The following MEI4 variants were observed in gnomAD, a reference collection of about 807,000 sequenced individuals.
The protein encoded by MEI4 is meiosis-specific protein MEI4.
A neutral mutation model predicts 31.4 loss-of-function variants in MEI4; 27 were observed. The ratio of observed to expected loss-of-function variants is 0.86; its 90% confidence interval spans 0.63 to 1.19. The LOEUF (loss-of-function observed/expected upper bound fraction) is 1.19. Among genes scored for constraint, MEI4 ranks in the 50% most tolerant of loss-of-function variants. The pLI is 0.00. For synonymous variants in MEI4, 122 were observed against 145.4 expected (o/e 0.84, Z 1.16); for missense variants, 329 against 398.9 (o/e 0.82, Z 1.49).
At chr6:77,840,508 G>T (rs1392435942) in intron 4 of MEI4, among the ~76,000 whole-genome samples, 1 of 152,128 alleles carries the variant, frequency 6.6e-6, no homozygotes, top group Non-Finnish European at 1.5e-5. Context: ...TGTGAGCCAT[G>T]AACATAATAA....
chr6:77,910,230 A>G (rs1178757072), intron 4 of MEI4, among the ~76,000 whole-genome samples: 2 of 152,158 alleles, frequency 1.3e-5, no homozygotes, highest in African/African-American at 4.8e-5. Flanking sequence ...GGAGAAGGAA[A>G]TAAAGGGCAT....
intron 3 of MEI4, among the ~76,000 whole-genome samples, chr6:77,803,493 A>C (rs965570685): frequency 1.3e-5 from 2 of 152,112 alleles, no homozygotes; most frequent in Non-Finnish European, 1.5e-5. Context: ...TTCTCCATCC[A>C]GCTTTATTCT....
chr6:77,742,081 C>T lies in MEI4; in HGVS notation c.233-19049C>T, dbSNP rs532739240. ...TGTGAATAGTGCCACAATAAACATA[C>T]GTGTGCATGTGTCTTTATAGCAGCA... On this transcript the variant is annotated intron_variant, in intron 2 of 4. Transcript: ENST00000684080. Among the ~76,000 whole-genome samples the T allele has an allele frequency of 4.2e-3, 638 of 152,092 alleles. 4 individuals are homozygous for T. The highest frequency in any genetic ancestry group is 0.014 in the African/African-American group (574 of 41,490).
Position 77,855,750 on chromosome 6 carries a change from T to C in MEI4, c.900+26688T>C, listed in dbSNP as rs998463800. 2.6e-5 allele frequency among the ~76,000 whole-genome samples: 4 copies of C among 152,280 alleles called. No homozygotes were observed. The East Asian group carries it at 5.8e-4, about 22-fold the overall frequency. On this transcript the variant is annotated intron_variant, in intron 4 of 4. Coordinates refer to ENST00000684080, the MANE Select transcript of MEI4 (RefSeq NM_001322247.2). ...ATGAAAATTGAAAGAGTGGATTACATAGAACTTTAACAAAGTTCTTTACAA... is the reference window on the plus strand; with the variant it reads ...ATGAAAATTGAAAGAGTGGATTACACAGAACTTTAACAAAGTTCTTTACAA...
intron 4 of MEI4, among the ~76,000 whole-genome samples, chr6:77,878,871 G>C (rs1581945890): frequency 6.6e-6 from 1 of 152,028 alleles, no homozygotes; most frequent in South Asian, 2.1e-4. Context: ...CTGTAATCCA[G>C]GCTTCTACAT....
intron 4 of MEI4, among the ~76,000 whole-genome samples, chr6:77,866,577 G>A (rs1039584516): frequency 2.6e-5 from 4 of 152,136 alleles, no homozygotes; most frequent in African/African-American, 9.7e-5. Context: ...AAATAAAAGA[G>A]GATACAAAGA....
intron 3 of MEI4, among the ~76,000 whole-genome samples, chr6:77,790,420 G>T (rs1768889050): frequency 6.6e-6 from 1 of 151,704 alleles, no homozygotes; most frequent in Non-Finnish European, 1.5e-5. Flanking sequence ...AACATTGAAT[G>T]ATAAAAAAGA....
intron 4 of MEI4, among the ~76,000 whole-genome samples, chr6:77,907,300 A>C (rs142029855): frequency 2.2e-3 from 338 of 152,130 alleles, no homozygotes; most frequent in African/African-American, 7.4e-3. Flanking sequence ...CCCGCACTCC[A>C]CAACAGGACC....
intron 3 of MEI4, among the ~76,000 whole-genome samples, chr6:77,776,741 T>G (rs894026307): frequency 2.6e-5 from 4 of 152,168 alleles, no homozygotes; most frequent in African/African-American, 9.7e-5. Flanking sequence ...TCAGTGCATT[T>G]TGATACCATT....
At chr6:77,915,962 T>C (rs1766534919) in intron 4 of MEI4, among the ~76,000 whole-genome samples, 1 of 152,048 alleles carries the variant, frequency 6.6e-6, no homozygotes, top group African/African-American at 2.4e-5. Flanking sequence ...TTTCATTCTG[T>C]CATCTTTATT....
intron 2 of MEI4, among the ~76,000 whole-genome samples, chr6:77,758,406 A>G (rs1256696174): frequency 6.6e-6 from 1 of 152,110 alleles, no homozygotes; most frequent in Non-Finnish European, 1.5e-5. Flanking sequence ...TCAATCCTCC[A>G]ATTCTACCTC....
At chr6:77,683,741 A>AATAGCATTTCATTATTAC (rs1257880914) in intron 1 of MEI4, among the ~76,000 whole-genome samples, 3 of 152,188 alleles carry the variant, frequency 2.0e-5, no homozygotes, top group African/African-American at 4.8e-5. Context: ...CTAAAGACTG[A>AATAGCATTTCATTATTAC]ATAGCATTTC....
chr6:77,751,107 C>G (rs979117943), intron 2 of MEI4, among the ~76,000 whole-genome samples: 1 of 151,920 alleles, frequency 6.6e-6, no homozygotes, highest in South Asian at 2.1e-4. Flanking sequence ...CTCTGAGACA[C>G]ATTTAAAACA....
At chr6:77,865,625 T>C (rs1582231816) in intron 4 of MEI4, among the ~76,000 whole-genome samples, 1 of 152,122 alleles carries the variant, frequency 6.6e-6, no homozygotes, top group Non-Finnish European at 1.5e-5. Flanking sequence ...ACCAGATGGA[T>C]TCACAGCTGA....
intron 4 of MEI4, among the ~76,000 whole-genome samples, chr6:77,867,703 C>A (rs932856289): frequency 2.0e-5 from 3 of 152,130 alleles, no homozygotes; most frequent in Non-Finnish European, 2.9e-5. Context: ...TTGACCCAGC[C>A]ATCCGATTAC....
chr6:77,650,823 A>G (rs1193945607), upstream of MEI4, among the ~76,000 whole-genome samples: 8 of 152,248 alleles, frequency 5.3e-5, no homozygotes, highest in South Asian at 1.5e-3. Context: ...TTTCTGTGGT[A>G]TATGCCAGAG....
chr6:77,803,707 G>C (rs1280625221), intron 3 of MEI4, among the ~76,000 whole-genome samples: 1 of 152,204 alleles, frequency 6.6e-6, no homozygotes, highest in African/African-American at 2.4e-5. Flanking sequence ...ACCCTCAGCT[G>C]CAGGTCTGTT....
At chr6:77,868,751 C>G (rs1023597300) in intron 4 of MEI4, among the ~76,000 whole-genome samples, 1 of 151,822 alleles carries the variant, frequency 6.6e-6, no homozygotes, top group African/African-American at 2.4e-5. Flanking sequence ...TTAAGCAACA[C>G]TCTCCCAAGA....
chr6:77,801,904 C>G (rs941015845), intron 3 of MEI4, among the ~76,000 whole-genome samples: 1 of 152,078 alleles, frequency 6.6e-6, no homozygotes, highest in African/African-American at 2.4e-5. Context: ...AATATGTGGT[C>G]AATTTTGGAA....
Sources: gnomAD v4.1 joint callset for allele counts (sites outside exome capture counted in the v4.1 genomes callset) on GRCh38, gnomAD v4.1.1 for gene constraint, MANE v1.5 for transcripts, NCBI Gene and HGNC (gene_info 2026-07-23, HGNC 2026-07-21) for gene names.